The following MYO1H variants were observed in gnomAD, a reference collection of about 807,000 sequenced individuals.
MYO1H encodes the protein unconventional myosin-Ih.
A neutral mutation model predicts 149.3 loss-of-function variants in MYO1H; 118 were observed. The ratio of observed to expected loss-of-function variants is 0.79; its 90% confidence interval spans 0.68 to 0.92. The LOEUF (loss-of-function observed/expected upper bound fraction) is 0.92, where lower values mean the gene tolerates loss of function less well. Ranked by LOEUF, MYO1H falls within the 40% of genes least tolerant of loss-of-function variation. MYO1H has a pLI of 0.00. For missense variants in MYO1H, 1,212 were observed against 1,280.7 expected (o/e 0.95, Z 0.82); for synonymous variants, 447 against 465.2 (o/e 0.96, Z 0.50).
intron 1 of MYO1H, chr12:109,354,104 G>A (rs1285826537): frequency 6.6e-6 from 1 of 152,176 alleles, no homozygotes; most frequent in East Asian, 1.9e-4. Flanking sequence ...TTTAATAGCT[G>A]TTTATTTAAT....
At chr12:109,343,176 T>C (rs957020144), upstream of MYO1H, among the ~76,000 whole-genome samples, 2 of 152,196 alleles carry the variant, frequency 1.3e-5, no homozygotes, top group African/African-American at 2.4e-5. Context: ...TCACAGGGAC[T>C]AGAAACACAA....
At chr12:109,422,077 T>C (rs1026329878) in intron 16 of MYO1H, among the ~76,000 whole-genome samples, 3 of 152,240 alleles carry the variant, frequency 2.0e-5, no homozygotes, top group African/African-American at 7.2e-5. Flanking sequence ...CACCTCACTC[T>C]CCCAAAGCTG....
intron 3 of MYO1H, among the ~76,000 whole-genome samples, chr12:109,394,626 T>C (rs1869814472): frequency 6.6e-6 from 1 of 152,058 alleles, no homozygotes; most frequent in South Asian, 2.1e-4. Flanking sequence ...CTTGAGCAAT[T>C]TTTTCTTGCC....
At chr12:109,405,268 A>T (rs2137055241) in intron 7 of MYO1H, among the ~76,000 whole-genome samples, 2 of 152,254 alleles carry the variant, frequency 1.3e-5, no homozygotes, top group East Asian at 3.9e-4. Context: ...TTTGAAAATT[A>T]AGTGCGTTCA....
At chr12:109,401,429 C>G (rs1337057494) in intron 6 of MYO1H, 157 bp downstream of exon 6, 16 of 702,436 alleles carry the variant, frequency 2.3e-5, no homozygotes, top group Non-Finnish European at 3.3e-5. Flanking sequence ...GCAATCTAAT[C>G]CATCTCCTCT....
chr12:109,312,884 T>C, the MYO1H span, among the ~76,000 whole-genome samples: 1 of 151,906 alleles, frequency 6.6e-6, no homozygotes, highest in African/African-American at 2.4e-5. Flanking sequence ...TGGAGATTTA[T>C]AGGCACTTTT....
rs184076342 is a variant in MYO1H at position 109,437,472 on chromosome 12, G to C, written c.2209+916G>C. 1.4e-3 allele frequency among the ~76,000 whole-genome samples: 207 copies of C among 152,306 alleles called. 1 individual carries two copies. The highest frequency in any genetic ancestry group is 4.8e-3 in the African/African-American group (201 of 41,556). Reference sequence around the variant, plus strand: ...GATAGCTACATAGTATTCCACTATAGCAGCAGAGGTCAGCATTATAGGAAG... The same window carrying C: ...GATAGCTACATAGTATTCCACTATACCAGCAGAGGTCAGCATTATAGGAAG... On this transcript the variant is annotated intron_variant, in intron 22 of 31. Coordinates refer to ENST00000310903, the Ensembl canonical transcript of MYO1H.
exon 32 of MYO1H, chr12:109,448,077 G>C (rs1451160321): frequency 1.3e-5 from 2 of 152,122 alleles, no homozygotes; most frequent in African/African-American, 4.8e-5. Context: ...CAAAACTTAG[G>C]TAATATGGTC....
At chr12:109,341,229 CAAAAAAAA>C in the MYO1H span, among the ~76,000 whole-genome samples, 1 of 113,944 alleles carries the variant, frequency 8.8e-6, no homozygotes, top group Non-Finnish European at 1.7e-5. Flanking sequence ...CGTTCCATCT[CAAAAAAAA>C]AAAAAAAATC....
chr12:109,382,903 AAT>A, intron 1 of MYO1H, among the ~76,000 whole-genome samples: 1 of 148,214 alleles, frequency 6.7e-6, no homozygotes, highest in African/African-American at 2.4e-5. Context: ...TATATAAATA[AAT>A]ATATAAATAT....
chr12:109,335,712 C>G, the MYO1H span, among the ~76,000 whole-genome samples: 1 of 152,168 alleles, frequency 6.6e-6, no homozygotes, highest in African/African-American at 2.4e-5. Context: ...ACCAGGAATG[C>G]TGAAGCCATC....
exon 4 of MYO1H, chr12:109,396,528 C>G (rs765405106): frequency 6.2e-7 from 1 of 1,613,892 alleles, no homozygotes; most frequent in Non-Finnish European, 8.5e-7. Context: ...GCCCAATGAC[C>G]CAGTCACTAC....
the MYO1H span, among the ~76,000 whole-genome samples, chr12:109,334,345 TGTTG>T: frequency 6.6e-6 from 1 of 152,116 alleles, no homozygotes; most frequent in South Asian, 2.1e-4. Context: ...CTTATTTACA[TGTTG>T]GTTGGTTGAT....
the MYO1H span, among the ~76,000 whole-genome samples, chr12:109,323,643 CTA>C: frequency 6.6e-6 from 1 of 152,184 alleles, no homozygotes; most frequent in Non-Finnish European, 1.5e-5. Flanking sequence ...GGCCCCAGAC[CTA>C]AGGTAAGAAG....
chr12:109,410,126 T>G, intron 12 of MYO1H, 58 bp downstream of exon 12: 1 of 867,256 alleles, frequency 1.2e-6, no homozygotes, highest in Non-Finnish European at 1.6e-6. Context: ...AAGACTTCTT[T>G]TTTTAATTTA....
At chr12:109,406,467 TAA>T (rs56744077) in intron 8 of MYO1H, among the ~76,000 whole-genome samples, 6,909 of 42,218 alleles carry the variant, frequency 0.16, 270 homozygotes, top group Non-Finnish European at 0.21. Context: ...CCCTATCTCT[TAA>T]AAAAAAAAAA....
intron 14 of MYO1H, 44 bp from the exon 15 acceptor site, chr12:109,415,481 AG>A: frequency 6.6e-7 from 1 of 1,524,172 alleles, no homozygotes; most frequent in African/African-American, 1.4e-5. Context: ...ATCTCAAAAA[AG>A]AAAAGAAAAG....
intron 1 of MYO1H, among the ~76,000 whole-genome samples, chr12:109,348,233 A>G (rs1040805854): frequency 6.6e-6 from 1 of 152,238 alleles, no homozygotes; most frequent in African/African-American, 2.4e-5. Flanking sequence ...TTGGTCTAGA[A>G]CAGCGTGCTG....
At chr12:109,410,877 C>T (rs539213179) in intron 13 of MYO1H, 109 bp downstream of exon 13, 7 of 725,416 alleles carry the variant, frequency 9.6e-6, no homozygotes, top group African/African-American at 8.9e-5. Flanking sequence ...CACGGTGGCT[C>T]ACGCCTGTAA....
Sources: allele counts gnomAD v4.1 joint callset (sites outside exome capture counted in the v4.1 genomes callset), GRCh38; gene constraint gnomAD v4.1.1; transcripts MANE v1.5; gene names NCBI Gene and HGNC (gene_info 2026-07-23, HGNC 2026-07-21).